The following MOK variants were observed in gnomAD, a reference collection of about 807,000 sequenced individuals.
MOK encodes the protein MAPK/MAK/MRK overlapping kinase.
A neutral mutation model predicts 54.2 loss-of-function variants in MOK; 59 were observed. That is an observed-to-expected ratio of 1.09 (90% CI 0.88 to 1.35). The LOEUF is 1.35. Ranked by LOEUF, MOK falls within the 40% of genes most tolerant of loss-of-function variation. The pLI is 0.00. For synonymous variants in MOK, 210 were observed against 202.7 expected (o/e 1.04, Z -0.31); for missense variants, 517 against 526.2 (o/e 0.98, Z 0.17).
chr14:102,262,268 C>T (rs1173064320), intron 4 of MOK, among the ~76,000 whole-genome samples: 1 of 152,126 alleles, frequency 6.6e-6, no homozygotes, highest in African/African-American at 2.4e-5. Flanking sequence ...GCCTCAGCTT[C>T]CTGAGTAGGT....
chr14:102,269,862 T>C (rs563535661), intron 2 of MOK, among the ~76,000 whole-genome samples: 2 of 152,296 alleles, frequency 1.3e-5, no homozygotes, highest in East Asian at 3.9e-4. Flanking sequence ...CCATAATTGA[T>C]TGAACAATCT....
In MOK at chr14:102,233,683, C is replaced by T. The variant is rs765457630; in HGVS notation, c.692+5G>A. ...CCACATCCACTCTCAGAACACAATA[C>T]TTACTGTTTGAACTTGGTGAGGATC... On this transcript the variant is annotated splice_donor_5th_base_variant and intron_variant, in intron 8 of 11. Transcript: ENST00000361847. The T allele has an allele frequency of 1.2e-6, 2 of 1,610,152 alleles. No individual in the cohort carries two copies. The highest frequency in any genetic ancestry group is 3.3e-5 in the Admixed American group (2 of 60,016).
At chr14:102,221,683 G>A (rs1160523415), downstream of MOK, among the ~76,000 whole-genome samples, 3 of 152,206 alleles carry the variant, frequency 2.0e-5, no homozygotes, top group East Asian at 5.8e-4. This position sits in a 1 kb window ranked among gnomAD's most constrained non-coding sequence, Gnocchi z 4.8. Context: ...GAAATGACTT[G>A]AGCGGGACAG....
At chr14:102,282,506 AG>A (rs1475445892) in intron 2 of MOK, among the ~76,000 whole-genome samples, 1 of 151,720 alleles carries the variant, frequency 6.6e-6, no homozygotes, top group Non-Finnish European at 1.5e-5. Flanking sequence ...AGGCTAAGGC[AG>A]GCAGATACCT....
At chr14:102,284,943 C>T (rs542765189) in intron 1 of MOK, among the ~76,000 whole-genome samples, 1 of 152,020 alleles carries the variant, frequency 6.6e-6, no homozygotes, top group Non-Finnish European at 1.5e-5. Context: ...ATTAGCCAGG[C>T]GTGGTGGCAT....
At chr14:102,294,445 C>CA (rs540805039) in intron 1 of MOK, among the ~76,000 whole-genome samples, 638 of 63,702 alleles carry the variant, frequency 0.01, 2 homozygotes, top group African/African-American at 0.018. Context: ...GACTCCGTCT[C>CA]AAAAAAAAAA....
intron 7 of MOK, 71 bp downstream of exon 7, chr14:102,250,741 G>C: frequency 6.9e-7 from 1 of 1,444,484 alleles, no homozygotes; most frequent in Non-Finnish European, 9.5e-7. Flanking sequence ...GGATTGTAAA[G>C]GAAGGAGCAC....
intron 4 of MOK, among the ~76,000 whole-genome samples, chr14:102,260,438 A>C (rs1248063587): frequency 6.6e-6 from 1 of 152,206 alleles, no homozygotes; most frequent in East Asian, 1.9e-4. Context: ...GTGCCTGGCC[A>C]TATGGGTACC....
At chr14:102,242,418 G>A (rs1015023115) in intron 7 of MOK, among the ~76,000 whole-genome samples, 1 of 151,996 alleles carries the variant, frequency 6.6e-6, no homozygotes, top group Admixed American at 6.6e-5. Flanking sequence ...ACTATTCCTA[G>A]ACTATAGCCA....
intron 1 of MOK, among the ~76,000 whole-genome samples, chr14:102,291,915 G>A (rs916749705): frequency 2.0e-5 from 3 of 150,266 alleles, no homozygotes; most frequent in Admixed American, 1.3e-4. Flanking sequence ...CCGAGATCAC[G>A]CCACTGTACT....
chr14:102,300,829 G>A (rs555554682), intron 1 of MOK, among the ~76,000 whole-genome samples: 19 of 152,254 alleles, frequency 1.2e-4, no homozygotes, highest in African/African-American at 4.1e-4. Context: ...GGGCACACTG[G>A]CTCACACCTG....
At chr14:102,241,209 C>T (rs986652927) in intron 7 of MOK, among the ~76,000 whole-genome samples, 1 of 152,190 alleles carries the variant, frequency 6.6e-6, no homozygotes, top group African/African-American at 2.4e-5. Flanking sequence ...AGTCTCCACT[C>T]CAAGCTCTGA....
rs2065660287 is a variant in MOK, at chr14:102,240,867, C to A, written c.591-7078G>T. Among the ~76,000 whole-genome samples, 1 of 152,172 alleles carries A rather than the reference C, an allele frequency of 6.6e-6. No individual in the cohort carries two copies. Among genetic ancestry groups the A allele is most frequent in the Admixed American group, 6.5e-5 (1 of 15,280 alleles). On this transcript the variant is annotated intron_variant, in intron 7 of 11. Coordinates refer to ENST00000361847, the MANE Select transcript of MOK (RefSeq NM_014226.3). This position sits in a 1 kb window ranked among gnomAD's most constrained non-coding sequence, Gnocchi z 5.4. ...CTGGGCTTGCCTGCTTCACTATGGG[C>A]AACCTTCCACCCTCCATTCCCCCTT...
At chr14:102,297,988 T>G (rs2071640496) in intron 1 of MOK, among the ~76,000 whole-genome samples, 1 of 152,164 alleles carries the variant, frequency 6.6e-6, no homozygotes, top group African/African-American at 2.4e-5. Flanking sequence ...TGTGGGCTCC[T>G]GCGCAGCCCA....
chr14:102,220,408 T>C (rs542818685), downstream of MOK, among the ~76,000 whole-genome samples: 3 of 152,376 alleles, frequency 2.0e-5, no homozygotes, highest in East Asian at 3.9e-4. This position sits in a 1 kb window ranked among gnomAD's most constrained non-coding sequence, Gnocchi z 4.2. Context: ...TGCTGAATAT[T>C]ATATGAAACA....
intron 1 of MOK, among the ~76,000 whole-genome samples, chr14:102,286,254 G>A (rs1021385530): frequency 2.2e-5 from 3 of 138,904 alleles, no homozygotes; most frequent in African/African-American, 2.8e-5. Flanking sequence ...AGCCGAGATC[G>A]CGCCACTGCA....
chr14:102,220,944 A>G (rs2063819993), downstream of MOK, among the ~76,000 whole-genome samples: 1 of 151,856 alleles, frequency 6.6e-6, no homozygotes, highest in South Asian at 2.1e-4. The surrounding 1 kb of genome is among the most constrained non-coding windows in gnomAD (Gnocchi z 4.2). Context: ...CTAATTTTGT[A>G]TTAGTAGAGA....
chr14:102,290,160 C>G (rs1009585944), intron 1 of MOK, among the ~76,000 whole-genome samples: 43 of 129,624 alleles, frequency 3.3e-4, no homozygotes, highest in South Asian at 1.2e-3. Context: ...AAAAAAAAGA[C>G]TAGGTATGGT....
chr14:102,250,953 C>CG lies in MOK; in HGVS notation c.448dup (p.Arg150ProfsTer27). The CG allele has an allele frequency of 1.2e-6, 2 of 1,614,082 alleles. No homozygotes were observed. The highest frequency in any genetic ancestry group is 1.7e-6 in the Non-Finnish European group (2 of 1,180,006). On this transcript the variant is annotated frameshift_variant, in exon 7 of 12. Coordinates refer to ENST00000361847, the MANE Select transcript of MOK (RefSeq NM_014226.3). LOFTEE classifies it high-confidence loss of function. ...GTACGGCTGCTTGGAATAGACACTCCGGCAGGAGCCAAAGTCCCCTAATTT... is the reference window on the plus strand; with the variant it reads ...GTACGGCTGCTTGGAATAGACACTCCGGGCAGGAGCCAAAGTCCCCTAATTT...
Sources: gnomAD v4.1 joint callset for allele counts (sites outside exome capture counted in the v4.1 genomes callset) on GRCh38, gnomAD v4.1.1 for gene constraint, Gnocchi (gnomAD v3.1) non-coding constraint, MANE v1.5 for transcripts, NCBI Gene and HGNC (gene_info 2026-07-23, HGNC 2026-07-21) for gene names.